BLK: variants seen among roughly 807,000 people sequenced by gnomAD.
BLK encodes the protein tyrosine-protein kinase Blk.
BLK carries 64 observed loss-of-function variants against 61.8 expected under a neutral mutation model. That is an observed-to-expected ratio of 1.03 (90% CI 0.85 to 1.27). The LOEUF (loss-of-function observed/expected upper bound fraction) is 1.27. Among genes scored for constraint, BLK ranks in the 50% most tolerant of loss-of-function variants. The probability of loss-of-function intolerance (pLI) is 0.00; values close to 1 mark genes in which losing one functional copy is unlikely to be tolerated. For missense variants in BLK, 853 were observed against 660.5 expected (o/e 1.29, Z -3.19); for synonymous variants, 351 against 272.0 (o/e 1.29, Z -2.86).
intron 1 of BLK, among the ~76,000 whole-genome samples, chr8:11,540,684 T>C (rs1347195140): frequency 1.3e-5 from 2 of 152,014 alleles, no homozygotes; most frequent in African/African-American, 4.8e-5. Flanking sequence ...ATCATCAAAA[T>C]GGCACAAAGA....
In BLK at chr8:11,523,853, T is replaced by A. The variant is rs1055085800; in HGVS notation, c.-1-19371T>A. ...TTGACAGAGTTGTTTTTTTTTTTTT[T>A]AATTTGTTATAAACCATTGTCCAGG... On this transcript the variant is annotated intron_variant, in intron 1 of 12. Transcript: ENST00000259089. Among the ~76,000 whole-genome samples, 45 of 142,686 alleles carry A rather than the reference T, an allele frequency of 3.2e-4. No homozygotes were observed. In the South Asian group the frequency reaches 9.6e-3, roughly 30 times the overall value. 93.6% of individuals were successfully genotyped at this position (142,686 alleles called of 152,430 possible). A position where few individuals can be genotyped will look rare whatever the true frequency, so the allele number is the denominator to read the frequency against.
rs1306259879 is a variant in BLK, at chr8:11,547,553, GAC to G, written c.176-477_176-476del. On this transcript the variant is annotated intron_variant, in intron 3 of 12. Coordinates refer to ENST00000259089, the MANE Select transcript of BLK (RefSeq NM_001715.3). ...CAGTGTGGCTGGGGCTCTGGGCACAGACAGTGGAGAGGCCAGGGCTCCAGCTG... is the reference window on the plus strand; with the variant it reads ...CAGTGTGGCTGGGGCTCTGGGCACAGAGTGGAGAGGCCAGGGCTCCAGCTG... Among the ~76,000 whole-genome samples the G allele has an allele frequency of 7.9e-5, 12 of 152,370 alleles. No homozygotes were observed. In the South Asian group the frequency reaches 2.5e-3, roughly 32 times the overall value.
Position 11,563,117 on chromosome 8 carries a change from GGCTCACCCCGCAGCTCGCGGCTCCCT to G in BLK, c.1312+11_1312+36del. 1 of 1,613,718 alleles carries G rather than the reference GGCTCACCCCGCAGCTCGCGGCTCCCT, an allele frequency of 6.2e-7. No individual in the cohort carries two copies. The highest frequency in any genetic ancestry group is 1.1e-5 in the South Asian group (1 of 91,086). On this transcript the variant is annotated splice_region_variant and intron_variant, in intron 12 of 12. Coordinates refer to ENST00000259089, the MANE Select transcript of BLK (RefSeq NM_001715.3). ...GGGCGGGTGCCATACCCAGGTAGGT[GGCTCACCCCGCAGCTCGCGGCTCCCT>G]GCTTTCCCGGCCGGCCCTGATGGCA...
chr8:11,551,387 T>C (rs1405142208), intron 6 of BLK, among the ~76,000 whole-genome samples: 4 of 152,228 alleles, frequency 2.6e-5, no homozygotes, highest in Non-Finnish European at 5.9e-5. Context: ...CCTCCATGCA[T>C]GTCTGTGTCC....
chr8:11,522,700 CTG>C (rs1799503766), intron 1 of BLK, among the ~76,000 whole-genome samples: 1 of 150,224 alleles, frequency 6.7e-6, no homozygotes, highest in Admixed American at 6.6e-5. Context: ...CACTGGGAAT[CTG>C]TGTATTACAA....
chr8:11,520,751 A>T (rs912534432), intron 1 of BLK, among the ~76,000 whole-genome samples: 4 of 152,146 alleles, frequency 2.6e-5, no homozygotes, highest in African/African-American at 9.7e-5. Flanking sequence ...ACACATTTCG[A>T]AAAAAGGCAT....
intron 1 of BLK, among the ~76,000 whole-genome samples, chr8:11,537,505 G>A (rs1033715444): frequency 6.6e-6 from 1 of 152,142 alleles, no homozygotes; most frequent in African/African-American, 2.4e-5. Flanking sequence ...TTGCCACAGG[G>A]GAGATGATAG....
chr8:11,499,034 G>T (rs1247637967), intron 1 of BLK, among the ~76,000 whole-genome samples: 1 of 152,330 alleles, frequency 6.6e-6, no homozygotes, highest in East Asian at 1.9e-4. Context: ...AAAAGAGAAA[G>T]TAAATTTAGT....
chr8:11,518,095 T>C (rs1174150095), intron 1 of BLK, among the ~76,000 whole-genome samples: 1 of 151,496 alleles, frequency 6.6e-6, no homozygotes, highest in Non-Finnish European at 1.5e-5. Context: ...GGCGAGAGAG[T>C]GTGCAGGGTA....
intron 10 of BLK, chr8:11,558,882 C>T (rs930816403): frequency 1.1e-5 from 5 of 455,958 alleles, no homozygotes; most frequent in African/African-American, 6.0e-5. Context: ...CCACATCAGC[C>T]CTCCCACCTC....
chr8:11,562,303 A>G (rs1447443081), intron 11 of BLK, among the ~76,000 whole-genome samples: 2 of 152,200 alleles, frequency 1.3e-5, no homozygotes, highest in Admixed American at 6.5e-5. Context: ...AAGGGGTCAC[A>G]TATATTTATC....
intron 1 of BLK, among the ~76,000 whole-genome samples, chr8:11,528,783 A>G (rs541945603): frequency 6.6e-6 from 1 of 152,230 alleles, no homozygotes; most frequent in Non-Finnish European, 1.5e-5. Context: ...AAAAGGAACG[A>G]GATTATGTCC....
At chr8:11,517,202 C>T (rs1828763788) in intron 1 of BLK, among the ~76,000 whole-genome samples, 1 of 152,192 alleles carries the variant, frequency 6.6e-6, no homozygotes, top group Non-Finnish European at 1.5e-5. Flanking sequence ...AGACCCGGCT[C>T]TCGGCCAAGG....
chr8:11,529,463 G>A (rs1370309303), intron 1 of BLK, among the ~76,000 whole-genome samples: 1 of 152,098 alleles, frequency 6.6e-6, no homozygotes, highest in Non-Finnish European at 1.5e-5. Context: ...AGATGAGCTG[G>A]TTTCTTGATC....
Position 11,554,892 on chromosome 8 carries a change from A to G in BLK, c.619+3A>G. On this transcript the variant is annotated splice_donor_region_variant and intron_variant, in intron 7 of 12. Coordinates refer to ENST00000259089, the MANE Select transcript of BLK (RefSeq NM_001715.3). Reference sequence around the variant, plus strand: ...GGCCCTGGTGCAGCACTATTCTAGTAAGAGGGGGCGTGCAATGGGGGCAGG... The same window carrying G: ...GGCCCTGGTGCAGCACTATTCTAGTGAGAGGGGGCGTGCAATGGGGGCAGG... 2 of 1,612,586 alleles carry G rather than the reference A, an allele frequency of 1.2e-6. No individual in the cohort carries two copies. Among genetic ancestry groups the G allele is most frequent in the South Asian group, 1.1e-5 (1 of 91,050 alleles).
chr8:11,520,581 G>T (rs1051858602), intron 1 of BLK, among the ~76,000 whole-genome samples: 11 of 150,124 alleles, frequency 7.3e-5, no homozygotes, highest in African/African-American at 2.7e-4. Context: ...CCCTGTAAAA[G>T]CTTGTTGTAA....
intron 3 of BLK, among the ~76,000 whole-genome samples, chr8:11,547,775 A>G (rs112568637): frequency 1.8e-4 from 27 of 152,226 alleles, no homozygotes; most frequent in African/African-American, 6.3e-4. Context: ...ACCTCTGGCC[A>G]TCAGCTTCCT....
chr8:11,503,525 C>A (rs897420770), intron 1 of BLK, among the ~76,000 whole-genome samples: 4 of 152,122 alleles, frequency 2.6e-5, no homozygotes, highest in African/African-American at 4.8e-5. Context: ...TGTGCCCAAG[C>A]CTTATACAGG....
intron 1 of BLK, among the ~76,000 whole-genome samples, chr8:11,497,818 C>T (rs1306939922): frequency 1.3e-5 from 2 of 152,208 alleles, no homozygotes; most frequent in African/African-American, 4.8e-5. Flanking sequence ...GCCTCTGGCA[C>T]ATTCCACTTC....
Sources: gnomAD v4.1 joint callset for allele counts (sites outside exome capture counted in the v4.1 genomes callset) on GRCh38, gnomAD v4.1.1 for gene constraint, MANE v1.5 for transcripts, NCBI Gene and HGNC (gene_info 2026-07-23, HGNC 2026-07-21) for gene names.